Variants in FGFR2 observed in about 807,000 individuals in gnomAD.
FGFR2 encodes fibroblast growth factor receptor 2.
FGFR2 carries 19 observed loss-of-function variants against 95.9 expected under a neutral mutation model. That is an observed-to-expected ratio of 0.20 (90% CI 0.14 to 0.29). FGFR2 has a LOEUF of 0.29. Ranked by LOEUF, FGFR2 falls within the 10% of genes least tolerant of loss-of-function variation. The pLI is 1.00. For missense variants in FGFR2, 707 were observed against 1,056.9 expected (o/e 0.67, Z 4.59); for synonymous variants, 392 against 393.3 (o/e 1.00, Z 0.04).
chr10:121,528,164 T>G (rs1851635036), intron 6 of FGFR2, among the ~76,000 whole-genome samples: 2 of 152,266 alleles, frequency 1.3e-5, no homozygotes, highest in South Asian at 4.1e-4. Context: ...CCACTCCAAG[T>G]AAGTAAGGCC....
At chr10:121,512,243 G>A (rs992080757) in intron 9 of FGFR2, among the ~76,000 whole-genome samples, 1 of 152,116 alleles carries the variant, frequency 6.6e-6, no homozygotes, top group African/African-American at 2.4e-5. Context: ...GGCCTTTCTG[G>A]GGCTTTTCAT....
intron 6 of FGFR2, among the ~76,000 whole-genome samples, chr10:121,535,327 T>C (rs1303331445): frequency 1.3e-5 from 2 of 152,260 alleles, no homozygotes; most frequent in Non-Finnish European, 1.5e-5. Flanking sequence ...ATGAGGTAAG[T>C]ATCATCATTC....
At chr10:121,575,622 A>G (rs1490372962) in intron 2 of FGFR2, among the ~76,000 whole-genome samples, 1 of 152,140 alleles carries the variant, frequency 6.6e-6, no homozygotes, top group African/African-American at 2.4e-5. Flanking sequence ...TGGCAGGCCG[A>G]GGCGGGTGGA....
chr10:121,537,032 C>A (rs543881647), intron 6 of FGFR2, among the ~76,000 whole-genome samples: 26 of 152,322 alleles, frequency 1.7e-4, no homozygotes, highest in African/African-American at 6.3e-4. Flanking sequence ...TCAATGCCAA[C>A]ACAAATGTTA....
chr10:121,580,787 T>G (rs1190150161), intron 2 of FGFR2, among the ~76,000 whole-genome samples: 3 of 152,202 alleles, frequency 2.0e-5, no homozygotes, highest in Non-Finnish European at 4.4e-5. Flanking sequence ...CTTTCTTCCC[T>G]GCTCCAAACC....
intron 2 of FGFR2, among the ~76,000 whole-genome samples, chr10:121,566,473 C>A (rs780085872): frequency 3.3e-5 from 5 of 152,170 alleles, no homozygotes; most frequent in Non-Finnish European, 7.3e-5. Flanking sequence ...CGACTCCACA[C>A]GACAAAGCTG....
chr10:121,480,844 G>A (rs1401770440), intron 17 of FGFR2, among the ~76,000 whole-genome samples: 2 of 151,914 alleles, frequency 1.3e-5, no homozygotes, highest in South Asian at 2.1e-4. Flanking sequence ...CACTTCCTCC[G>A]ACTTGGGTGC....
rs760038866 is a variant in FGFR2 at position 121,564,591 on chromosome 10, A to C, written c.377-12T>G. On this transcript the variant is annotated splice_polypyrimidine_tract_variant and intron_variant, in intron 3 of 17. Coordinates refer to ENST00000358487, the MANE Select transcript of FGFR2 (RefSeq NM_000141.5). ...GGATGAGATGGCATCTGTATGCAAA[A>C]GAACATATTCCATGGATGTGTTTTT... 15 of 1,612,998 alleles carry C rather than the reference A, an allele frequency of 9.3e-6. No individual in the cohort carries two copies. The highest frequency in any genetic ancestry group is 1.0e-5 in the Non-Finnish European group (12 of 1,179,208).
chr10:121,556,918 T>C (rs1246966694), intron 4 of FGFR2, among the ~76,000 whole-genome samples: 1 of 152,206 alleles, frequency 6.6e-6, no homozygotes, highest in Non-Finnish European at 1.5e-5. Flanking sequence ...GGGAAAAATG[T>C]CTCAGAGCTC....
In FGFR2 at chr10:121,517,308, A is replaced by C; in HGVS notation, c.1084+11T>G. 1 of 1,614,156 alleles carries C rather than the reference A, an allele frequency of 6.2e-7. No homozygotes were observed. The highest frequency in any genetic ancestry group is 8.5e-7 in the Non-Finnish European group (1 of 1,179,994). ...AGGGAAAAAAACCCAGAGAGAAAGA[A>C]CAGTATATACCTGGCAGAACTGTCA... On this transcript the variant is annotated intron_variant, in intron 8 of 17. Coordinates refer to ENST00000358487, the MANE Select transcript of FGFR2 (RefSeq NM_000141.5). The surrounding 1 kb of genome is among the most constrained non-coding windows in gnomAD (Gnocchi z 4.7).
At chr10:121,579,117 TC>T (rs1271425102) in intron 2 of FGFR2, among the ~76,000 whole-genome samples, 1 of 152,170 alleles carries the variant, frequency 6.6e-6, no homozygotes, top group Non-Finnish European at 1.5e-5. Context: ...CCGCTGAGCC[TC>T]AGAGTCATGC....
In FGFR2 at chr10:121,497,147, A is replaced by AAAG. The variant is rs1564876818; in HGVS notation, c.1673-428_1673-426dup. 1.5e-4 allele frequency among the ~76,000 whole-genome samples: 23 copies of AAAG among 150,630 alleles called. 1 individual carries two copies. The highest frequency in any genetic ancestry group is 4.4e-4 in the African/African-American group (18 of 40,830). Reference sequence around the variant, plus strand: ...CTTTGTCTCAAAAAAAAAAAAAAAAAAAGAAGAAGAAAAAAGAAAAAGTTT... The same window carrying AAAG: ...CTTTGTCTCAAAAAAAAAAAAAAAAAAAGAAGAAGAAGAAAAAAGAAAAAGTTT... On this transcript the variant is annotated intron_variant, in intron 12 of 17. Coordinates refer to ENST00000358487, the MANE Select transcript of FGFR2 (RefSeq NM_000141.5).
intron 5 of FGFR2, among the ~76,000 whole-genome samples, chr10:121,544,866 G>A (rs923953525): frequency 2.0e-5 from 3 of 152,168 alleles, no homozygotes; most frequent in Non-Finnish European, 4.4e-5. Context: ...TAACCAGCTG[G>A]GCACAGTGTC....
intron 9 of FGFR2, among the ~76,000 whole-genome samples, chr10:121,504,750 G>C (rs1252896771): frequency 6.6e-6 from 1 of 152,102 alleles, no homozygotes; most frequent in Non-Finnish European, 1.5e-5. Flanking sequence ...TTACTTTCTT[G>C]TTTATCCTGA....
At chr10:121,521,532 G>A (rs1850535807) in intron 6 of FGFR2, among the ~76,000 whole-genome samples, 1 of 148,206 alleles carries the variant, frequency 6.7e-6, no homozygotes, top group Admixed American at 6.8e-5. Context: ...GCCACTAGGT[G>A]TATGAAAAGT....
intron 4 of FGFR2, among the ~76,000 whole-genome samples, chr10:121,557,671 T>C (rs11814493): frequency 0.1 from 15,225 of 152,158 alleles, 2,548 homozygotes; most frequent in African/African-American, 0.34. Flanking sequence ...AAAGCCTGTG[T>C]GGGTTTTTTG....
Position 121,565,724 on chromosome 10 carries a change from A to G in FGFR2, c.110-20T>C, listed in dbSNP as rs1857580340. The G allele has an allele frequency of 6.2e-7, 1 of 1,614,114 alleles. No individual in the cohort carries two copies. The highest frequency in any genetic ancestry group is 8.5e-7 in the Non-Finnish European group (1 of 1,180,020). On this transcript the variant is annotated intron_variant, in intron 2 of 17. Coordinates refer to ENST00000358487, the MANE Select transcript of FGFR2 (RefSeq NM_000141.5). ...GTGGCTCTGCAGAAAGGTGGGAGAG[A>G]GAAGACGGAGACAGATGGGAAGGAG... is the stretch of plus-strand genomic sequence containing the variant.
At chr10:121,515,781 A>G (rs544871503) in intron 8 of FGFR2, among the ~76,000 whole-genome samples, 9 of 151,266 alleles carry the variant, frequency 5.9e-5, no homozygotes, top group Admixed American at 4.0e-4. Context: ...GGAAGACTCC[A>G]CAGGATAATT....
At chr10:121,490,824 T>C (rs1846038595) in intron 13 of FGFR2, among the ~76,000 whole-genome samples, 1 of 152,204 alleles carries the variant, frequency 6.6e-6, no homozygotes, top group Admixed American at 6.5e-5. Context: ...TAGCTATTCC[T>C]TGTGTTCACA....
Sources: gnomAD v4.1 joint callset for allele counts (sites outside exome capture counted in the v4.1 genomes callset) on GRCh38, gnomAD v4.1.1 for gene constraint, Gnocchi (gnomAD v3.1) non-coding constraint, MANE v1.5 for transcripts, NCBI Gene and HGNC (gene_info 2026-07-23, HGNC 2026-07-21) for gene names.